Variants in CD8B observed in about 807,000 individuals in gnomAD.
The protein encoded by CD8B is CD8 subunit beta.
CD8B carries 6 observed loss-of-function variants against 24.2 expected under a neutral mutation model. The ratio of observed to expected loss-of-function variants is 0.25; its 90% CI spans 0.14 to 0.49. The LOEUF (loss-of-function observed/expected upper bound fraction) is 0.49, where lower values mean the gene tolerates loss of function less well. Ranked by LOEUF, CD8B falls within the 20% of genes least tolerant of loss-of-function variation. The pLI is 0.98. For synonymous variants in CD8B, 84 were observed against 108.3 expected, an observed-to-expected ratio of 0.78 and a Z score of 1.39; for missense variants, 196 against 271.3, an observed-to-expected ratio of 0.72 and a Z score of 1.95.
At chr2:86,847,201 T>C (rs1047703204) in intron 3 of CD8B, among the ~76,000 whole-genome samples, 2 of 151,958 alleles carry the variant, frequency 1.3e-5, no homozygotes, top group Admixed American at 6.6e-5. Flanking sequence ...CCTCCCAAAG[T>C]GCTGGGATTA....
chr2:86,835,341 A>C (rs1675134572), downstream of CD8B, among the ~76,000 whole-genome samples: 1 of 152,214 alleles, frequency 6.6e-6, no homozygotes, highest in Non-Finnish European at 1.5e-5. Context: ...CCAAACCAGA[A>C]GCATCAGTGT....
chr2:86,819,596 G>A (rs778303638), intron 5 of CD8B, among the ~76,000 whole-genome samples: 4 of 152,116 alleles, frequency 2.6e-5, no homozygotes, highest in South Asian at 2.1e-4. Context: ...GTTGAGACTC[G>A]CTCAGGAAAA....
downstream of CD8B, among the ~76,000 whole-genome samples, chr2:86,837,944 C>T (rs541559025): frequency 8.7e-4 from 132 of 152,300 alleles, no homozygotes; most frequent in Non-Finnish European, 1.5e-3. Context: ...ACCCCTGCCA[C>T]GAGCCCAGCC....
intron 5 of CD8B, among the ~76,000 whole-genome samples, chr2:86,831,514 A>T (rs951964235): frequency 6.6e-6 from 1 of 152,272 alleles, no homozygotes; most frequent in Non-Finnish European, 1.5e-5. Context: ...TGATAATCCC[A>T]TGAGGAGAGA....
At chr2:86,825,372 C>T (rs983140910) in intron 5 of CD8B, among the ~76,000 whole-genome samples, 1 of 152,190 alleles carries the variant, frequency 6.6e-6, no homozygotes, top group Non-Finnish European at 1.5e-5. Flanking sequence ...GATCCCCCAA[C>T]CCCTCCTTGG....
intron 2 of CD8B, among the ~76,000 whole-genome samples, chr2:86,856,035 CCAAA>C (rs1415382029): frequency 6.6e-6 from 1 of 152,240 alleles, no homozygotes; most frequent in African/African-American, 2.4e-5. Context: ...CTGTCTTTCC[CCAAA>C]CACTTTCTCA....
chr2:86,857,295 C>T (rs1249551979), intron 2 of CD8B, among the ~76,000 whole-genome samples: 2 of 152,168 alleles, frequency 1.3e-5, no homozygotes, highest in African/African-American at 4.8e-5. Flanking sequence ...GTGAGGGCCT[C>T]CTTTCCCTGT....
chr2:86,830,241 G>A (rs921297288), intron 5 of CD8B, among the ~76,000 whole-genome samples: 2 of 152,020 alleles, frequency 1.3e-5, no homozygotes, highest in Non-Finnish European at 2.9e-5. Flanking sequence ...TTTTTAGCAT[G>A]TTTTCAATAT....
chr2:86,837,811 G>GA (rs1195079108), downstream of CD8B, among the ~76,000 whole-genome samples: 33 of 145,958 alleles, frequency 2.3e-4, no homozygotes, highest in Non-Finnish European at 1.5e-4. Context: ...GGGGAGGGGG[G>GA]AACACCAGTG....
chr2:86,856,549 C>T (rs912281001), intron 2 of CD8B, among the ~76,000 whole-genome samples: 25 of 152,080 alleles, frequency 1.6e-4, no homozygotes, highest in Middle Eastern at 3.2e-3. Flanking sequence ...CTGTCCCCAG[C>T]TGCCCCTGCA....
At position 86,841,455 on chromosome 2, in the gene CD8B, G is replaced by A. The variant is rs557862930; in HGVS notation, c.*852C>T. On this transcript the variant is annotated 3_prime_UTR_variant, in exon 6 of 6. Coordinates refer to ENST00000390655, the MANE Select transcript of CD8B (RefSeq NM_004931.5). ...CTCTAGGACTCTCCACACCTACAAC[G>A]TCGGGCAAATGAGGATCTCAGGTGC... 404 of 513,212 alleles carry A rather than the reference G, an allele frequency of 7.9e-4. No homozygotes were observed. Among genetic ancestry groups the A allele is most frequent in the East Asian group, 1.2e-3 (8 of 6,592 alleles). 31.8% of individuals were successfully genotyped at this position (513,212 alleles called of 1,614,324 possible).
At chr2:86,815,704 C>G (rs769986478) in exon 6 of CD8B, 3 of 1,597,488 alleles carry the variant, frequency 1.9e-6, no homozygotes, top group Non-Finnish European at 2.6e-6. Flanking sequence ...TCCTGATATA[C>G]CTTCCCCTTG....
In CD8B at chr2:86,825,380, T is replaced by G. The variant is rs201794285; in HGVS notation, c.621-9662A>C. Among the ~76,000 whole-genome samples, 7 of 152,288 alleles carry G rather than the reference T, an allele frequency of 4.6e-5. No individual in the cohort carries two copies. The East Asian group carries it at 1.2e-3, about 25-fold the overall frequency. ...CCTCCAGGATCCCCCAACCCCTCCT[T>G]GGCCATTCCCTTTGACTTCCTTGGG... On this transcript the variant is annotated intron_variant, in intron 5 of 5. Transcript: ENST00000331469.
At chr2:86,856,795 G>A (rs1032183377) in intron 2 of CD8B, among the ~76,000 whole-genome samples, 20 of 149,386 alleles carry the variant, frequency 1.3e-4, no homozygotes, top group Admixed American at 7.3e-4. Context: ...AGTCTGAATC[G>A]AGATGAGCCA....
exon 6 of CD8B, chr2:86,815,709 C>T: frequency 2.5e-6 from 4 of 1,579,974 alleles, no homozygotes; most frequent in Admixed American, 3.3e-5. Flanking sequence ...ATATACCTTC[C>T]CCTTGAGGCC....
At chr2:86,821,273 C>T (rs754458884) in intron 5 of CD8B, among the ~76,000 whole-genome samples, 39 of 151,992 alleles carry the variant, frequency 2.6e-4, no homozygotes, top group Non-Finnish European at 5.0e-4. Context: ...AGTGAGGCCG[C>T]CTGGGGTGAA....
intron 5 of CD8B, chr2:86,833,015 C>CT (rs1558751930): frequency 7.8e-6 from 3 of 386,958 alleles, no homozygotes; most frequent in South Asian, 5.6e-5. Context: ...CTCTCTCTCC[C>CT]TCTTTCCCCT....
At chr2:86,815,868 T>G (rs1674223152) in intron 5 of CD8B, 1 of 639,200 alleles carries the variant, frequency 1.6e-6, no homozygotes, top group Non-Finnish European at 2.8e-6. Context: ...ATATAGCACT[T>G]GATAGGCCTA....
chr2:86,820,245 C>T (rs915365606), intron 5 of CD8B, among the ~76,000 whole-genome samples: 1 of 152,168 alleles, frequency 6.6e-6, no homozygotes, highest in Admixed American at 6.5e-5. Context: ...AGGAGTGACT[C>T]CAATTTTGAA....
Sources: gnomAD v4.1 joint callset for allele counts (sites outside exome capture counted in the v4.1 genomes callset) on GRCh38, gnomAD v4.1.1 for gene constraint, MANE v1.5 for transcripts, NCBI Gene and HGNC (gene_info 2026-07-23, HGNC 2026-07-21) for gene names.